Variants in ATG7 observed in about 807,000 individuals in gnomAD.
ATG7 encodes autophagy related 7, also known as ubiquitin-like modifier-activating enzyme ATG7.
In ATG7, 70 loss-of-function variants were observed where a neutral mutation model predicts 82.4. That is an observed-to-expected ratio of 0.85 (90% confidence interval 0.70 to 1.04). ATG7 has a LOEUF of 1.04. Among genes scored for constraint, ATG7 ranks in the 50% least tolerant of loss-of-function variants. The probability of loss-of-function intolerance (pLI) is 0.00; values close to 1 mark genes in which losing one functional copy is unlikely to be tolerated. For missense variants in ATG7, 792 were observed against 864.3 expected, an observed-to-expected ratio of 0.92 and a Z score of 1.05; for synonymous variants, 287 against 313.0, an observed-to-expected ratio of 0.92 and a Z score of 0.88.
At chr3:11,323,171 G>A (rs550940647) in intron 9 of ATG7, among the ~76,000 whole-genome samples, 1 of 152,304 alleles carries the variant, frequency 6.6e-6, no homozygotes, top group East Asian at 1.9e-4. Context: ...GCTCTTGTGA[G>A]GTAGGAATAG....
chr3:11,499,460 A>G (rs1200991041), intron 20 of ATG7, among the ~76,000 whole-genome samples: 1 of 152,080 alleles, frequency 6.6e-6, no homozygotes, highest in African/African-American at 2.4e-5. Context: ...AAAATCTAAA[A>G]TACGGCCAGG....
chr3:11,413,039 T>C (rs2081055826), intron 19 of ATG7, among the ~76,000 whole-genome samples: 1 of 152,184 alleles, frequency 6.6e-6, no homozygotes, highest in African/African-American at 2.4e-5. Flanking sequence ...TAACTTTGTA[T>C]CCTGCTGCTT....
intron 20 of ATG7, among the ~76,000 whole-genome samples, chr3:11,523,585 C>T (rs1440694633): frequency 2.0e-5 from 3 of 152,202 alleles, no homozygotes; most frequent in Non-Finnish European, 4.4e-5. Flanking sequence ...TTTGGGAGGG[C>T]CAGGCTTCAC....
intron 18 of ATG7, among the ~76,000 whole-genome samples, chr3:11,370,163 T>C (rs556004461): frequency 6.6e-6 from 1 of 151,392 alleles, no homozygotes; most frequent in African/African-American, 2.4e-5. Context: ...TCACTTTTAA[T>C]TAAAATGGAA....
At chr3:11,372,697 G>A (rs2077083831) in intron 18 of ATG7, among the ~76,000 whole-genome samples, 1 of 150,880 alleles carries the variant, frequency 6.6e-6, no homozygotes, top group African/African-American at 2.4e-5. Context: ...CTGTACTAAG[G>A]GAAAAAAAAT....
downstream of ATG7, chr3:11,559,591 T>C: frequency 7.6e-7 from 1 of 1,307,702 alleles, no homozygotes; most frequent in Non-Finnish European, 1.0e-6. Flanking sequence ...ACTTCAATAC[T>C]GGAGTCCTGT....
At chr3:11,287,987 G>A (rs574898315) in intron 3 of ATG7, among the ~76,000 whole-genome samples, 22 of 152,284 alleles carry the variant, frequency 1.4e-4, no homozygotes, top group African/African-American at 5.3e-4. Context: ...GTGCAGTCCA[G>A]GAGCTAAGAA....
intron 19 of ATG7, among the ~76,000 whole-genome samples, chr3:11,390,828 C>G (rs1195300279): frequency 4.6e-5 from 7 of 152,208 alleles, no homozygotes; most frequent in Non-Finnish European, 7.3e-5. Flanking sequence ...GAAGGGAATT[C>G]AAAAGTATCC....
intron 20 of ATG7, chr3:11,510,452 A>AC (rs2091994744): frequency 3.8e-6 from 1 of 264,122 alleles, no homozygotes; most frequent in Non-Finnish European, 7.2e-6. Flanking sequence ...CTTTCTCCCC[A>AC]CCCCCTCCCC....
chr3:11,521,437 A>G (rs1298429669), intron 20 of ATG7, among the ~76,000 whole-genome samples: 1 of 152,164 alleles, frequency 6.6e-6, no homozygotes, highest in Non-Finnish European at 1.5e-5. Context: ...ACTGGGGAAA[A>G]GGCGCATCGC....
intron 20 of ATG7, among the ~76,000 whole-genome samples, chr3:11,436,835 T>A (rs1472655071): frequency 2.0e-5 from 3 of 152,178 alleles, no homozygotes; most frequent in Non-Finnish European, 4.4e-5. Context: ...AGGATCTCAT[T>A]TATGTGAAAT....
At chr3:11,383,742 C>G (rs1013755241) in intron 19 of ATG7, among the ~76,000 whole-genome samples, 2 of 152,206 alleles carry the variant, frequency 1.3e-5, no homozygotes, top group African/African-American at 2.4e-5. Context: ...GCCACCGCAT[C>G]CAGCCGTATC....
At chr3:11,375,997 A>G (rs1054255452) in intron 18 of ATG7, among the ~76,000 whole-genome samples, 3 of 152,266 alleles carry the variant, frequency 2.0e-5, no homozygotes, top group Non-Finnish European at 4.4e-5. Context: ...ATTGCTAAAT[A>G]AATGTATTAT....
chr3:11,344,831 T>C (rs961453989), intron 13 of ATG7, among the ~76,000 whole-genome samples: 1 of 152,202 alleles, frequency 6.6e-6, no homozygotes, highest in Non-Finnish European at 1.5e-5. Context: ...ATCGTGCCAC[T>C]GCTCTCCAGC....
At chr3:11,531,907 TA>T (rs2124980845) in intron 20 of ATG7, among the ~76,000 whole-genome samples, 1 of 149,878 alleles carries the variant, frequency 6.7e-6, no homozygotes, top group African/African-American at 2.5e-5. Context: ...ACAGAGCAGC[TA>T]ACATTTATTG....
chr3:11,427,526 A>G (rs1314353986), intron 20 of ATG7, among the ~76,000 whole-genome samples: 2 of 151,314 alleles, frequency 1.3e-5, no homozygotes, highest in African/African-American at 4.9e-5. Context: ...AGTTTAAGAA[A>G]TAAATTATCG....
intron 20 of ATG7, among the ~76,000 whole-genome samples, chr3:11,441,255 A>C (rs66974661): frequency 6.6e-6 from 1 of 151,824 alleles, no homozygotes; most frequent in South Asian, 2.1e-4. Flanking sequence ...TTATTTATTA[A>C]TTTTTTGAGA....
intron 20 of ATG7, among the ~76,000 whole-genome samples, chr3:11,446,105 C>T (rs1448845323): frequency 2.6e-5 from 4 of 151,606 alleles, no homozygotes; most frequent in Non-Finnish European, 5.9e-5. Context: ...CAGAGTCCCA[C>T]ACCTCTGGCC....
chr3:11,564,100 T>C, the ATG7 span, among the ~76,000 whole-genome samples: 1 of 152,236 alleles, frequency 6.6e-6, no homozygotes. Flanking sequence ...TCGCAGTCCC[T>C]GGAGATTCGG....
Sources: allele counts gnomAD v4.1 joint callset (sites outside exome capture counted in the v4.1 genomes callset), GRCh38; gene constraint gnomAD v4.1.1; transcripts MANE v1.5; gene names NCBI Gene and HGNC (gene_info 2026-07-23, HGNC 2026-07-21).